STAG2: variants seen among roughly 807,000 people sequenced by gnomAD.
The protein encoded by STAG2 is cohesin subunit SA-2.
Under a neutral mutation model 108.1 loss-of-function variants are expected in STAG2, and 14 were observed. That is an observed-to-expected ratio of 0.13 (90% CI 0.09 to 0.20). The LOEUF (loss-of-function observed/expected upper bound fraction) is 0.20, where lower values mean the gene tolerates loss of function less well. Among genes scored for constraint, STAG2 ranks in the 10% least tolerant of loss-of-function variants. The pLI is 1.00. For synonymous variants in STAG2, 307 were observed against 302.7 expected, an observed-to-expected ratio of 1.01 and a Z score of -0.15; for missense variants, 440 against 940.9, an observed-to-expected ratio of 0.47 and a Z score of 6.96.
At chrX:124,092,081 T>C (rs1352183582) in intron 32 of STAG2, among the ~76,000 whole-genome samples, 2 of 111,845 alleles carry the variant, frequency 1.8e-5, no homozygotes, top group Non-Finnish European at 3.8e-5. Context: ...AGATAGTAGT[T>C]GTTACCCTCT....
rs763447297 is a variant in STAG2 at position 124,066,367 on chromosome X, C to T, written c.2196C>T (p.His732=). Residue 732 remains histidine (H), a synonymous_variant, in exon 23 of 35, where the codon CAC becomes CAT. Coordinates refer to ENST00000371145, the MANE Select transcript of STAG2 (RefSeq NM_001042750.2). ...NGDMPEQIVI[H]ALQCTHYVIL... is the part of the protein sequence containing the mutation. ...GATTCTTTTTACAGATTGTTATTCA[C>T]GCACTGCAGTGTACTCACTATGTAA... 1.5e-5 allele frequency: 18 copies of T among 1,200,783 alleles called. No individual in the cohort carries two copies. The highest frequency in any genetic ancestry group is 3.0e-5 in the East Asian group (1 of 33,667).
At chrX:124,006,844 T>G (rs922816945) in intron 1 of STAG2, among the ~76,000 whole-genome samples, 2 of 111,848 alleles carry the variant, frequency 1.8e-5, no homozygotes, top group Non-Finnish European at 3.8e-5. Flanking sequence ...TTTAAAAGTT[T>G]GTTTGCTAAT....
chrX:123,986,886 G>A (rs1313930271), intron 1 of STAG2, among the ~76,000 whole-genome samples: 2 of 109,849 alleles, frequency 1.8e-5, no homozygotes, highest in Admixed American at 9.7e-5. Context: ...CAGGGCCTGC[G>A]CAGTTTTCTC....
At chrX:124,034,649 A>G (rs7049819) in intron 5 of STAG2, among the ~76,000 whole-genome samples, 18,599 of 110,433 alleles carry the variant, frequency 0.17, 1,238 homozygotes, top group South Asian at 0.37. Context: ...CTTGCATATC[A>G]AATAGGACTG....
chrX:124,006,674 T>C (rs767460005), intron 1 of STAG2, among the ~76,000 whole-genome samples: 35 of 110,842 alleles, frequency 3.2e-4, no homozygotes, highest in African/African-American at 7.5e-4. Context: ...CTCCTGACCT[T>C]GTGATCCGCC....
rs77366098 is a variant in STAG2 at position 124,071,128 on chromosome X, CTT to C, written c.2359-8_2359-7del. On this transcript the variant is annotated intron_variant, in intron 24 of 34. Transcript: ENST00000371145. ...ACCTTGGATTATAGCATGCTTTCCTCTTTTTTTTTTTTTTAAATAGGCCTTCA... is the reference window on the plus strand; with the variant it reads ...ACCTTGGATTATAGCATGCTTTCCTCTTTTTTTTTTTTAAATAGGCCTTCA... 1.1e-3 allele frequency: 947 copies of C among 827,044 alleles called. No individual in the cohort carries two copies. Among genetic ancestry groups the C allele is most frequent in the South Asian group, 2.4e-3 (65 of 26,546 alleles). 68.2% of individuals were successfully genotyped at this position (827,044 alleles called of 1,213,427 possible).
intron 23 of STAG2, among the ~76,000 whole-genome samples, chrX:124,067,404 A>G (rs5958383): frequency 0.24 from 25,814 of 107,366 alleles, 2,401 homozygotes; most frequent in South Asian, 0.39. Context: ...AAGTAGCTGA[A>G]ACTGCAGTCA....
intron 14 of STAG2, among the ~76,000 whole-genome samples, chrX:124,056,549 C>T (rs972101967): frequency 3.7e-5 from 4 of 107,474 alleles, no homozygotes; most frequent in Non-Finnish European, 7.7e-5. Flanking sequence ...CTGGCTAACA[C>T]GGTGAAACCC....
intron 1 of STAG2, among the ~76,000 whole-genome samples, chrX:123,976,094 C>T (rs1194140819): frequency 9.0e-6 from 1 of 111,187 alleles, no homozygotes; most frequent in Admixed American, 9.6e-5. Context: ...GGCAACAGAG[C>T]GAGACCCTGT....
intron 1 of STAG2, among the ~76,000 whole-genome samples, chrX:124,009,744 T>C (rs1365316343): frequency 8.9e-6 from 1 of 111,764 alleles, no homozygotes; most frequent in African/African-American, 3.3e-5. Context: ...TGTTTAACAT[T>C]TGTTAAATAG....
chrX:123,976,461 C>G (rs986923732), intron 1 of STAG2, among the ~76,000 whole-genome samples: 1 of 110,891 alleles, frequency 9.0e-6, no homozygotes, highest in African/African-American at 3.3e-5. Context: ...ATTTTGAATC[C>G]TTGTTTCATT....
At chrX:123,965,573 A>G (rs937917799) in intron 1 of STAG2, among the ~76,000 whole-genome samples, 3 of 111,854 alleles carry the variant, frequency 2.7e-5, no homozygotes, top group African/African-American at 6.5e-5. Context: ...GTGCATGTTT[A>G]ACTGATACCA....
chrX:124,092,079 GT>G (rs769736226), intron 32 of STAG2, among the ~76,000 whole-genome samples: 1 of 111,685 alleles, frequency 9.0e-6, no homozygotes, highest in East Asian at 2.8e-4. Context: ...GGAGATAGTA[GT>G]TGTTACCCTC....
intron 1 of STAG2, among the ~76,000 whole-genome samples, chrX:123,964,705 G>A (rs781533647): frequency 1.0e-5 from 1 of 97,898 alleles, no homozygotes; most frequent in Non-Finnish European, 2.0e-5. Flanking sequence ...GACTGGCAGA[G>A]AGGGTGGAGT....
At position 124,052,855 on chromosome X, in the gene STAG2, C is replaced by T. The variant is rs747697937; in HGVS notation, c.1196+1461C>T. On this transcript the variant is annotated intron_variant, in intron 13 of 34. Coordinates refer to ENST00000371145, the MANE Select transcript of STAG2 (RefSeq NM_001042750.2). ...TTCCTGAGATGGAGTCTCACTCTGT[C>T]GCCCAGGCTGGAGTGCAGTGGCATG... Among the ~76,000 whole-genome samples, 12 of 105,585 alleles carry T rather than the reference C, an allele frequency of 1.1e-4. No individual in the cohort carries two copies. In the South Asian group the frequency reaches 1.7e-3, roughly 15 times the overall value. The allele number at this position is 105,585 out of a possible 115,157, so 91.7% of individuals were successfully genotyped here. A position where few individuals can be genotyped will look rare whatever the true frequency, so the allele number is the denominator to read the frequency against.
At chrX:123,966,994 C>T (rs1230423356) in intron 1 of STAG2, among the ~76,000 whole-genome samples, 8 of 110,160 alleles carry the variant, frequency 7.3e-5, no homozygotes, top group Non-Finnish European at 1.3e-4. Context: ...AAGTGATTCT[C>T]CTGCCTCAAC....
intron 13 of STAG2, among the ~76,000 whole-genome samples, chrX:124,054,517 G>C (rs1022043166): frequency 1.8e-5 from 2 of 111,572 alleles, no homozygotes; most frequent in Non-Finnish European, 3.8e-5. Context: ...AATTTTGAAA[G>C]AATTCTGAAA....
chrX:124,041,403 A>G (rs768750553), intron 6 of STAG2, among the ~76,000 whole-genome samples: 1 of 109,988 alleles, frequency 9.1e-6, no homozygotes, highest in East Asian at 2.8e-4. Flanking sequence ...TTATGGATTT[A>G]CAGCTATGTA....
intron 1 of STAG2, among the ~76,000 whole-genome samples, chrX:123,977,214 T>C (rs1191165154): frequency 4.4e-5 from 5 of 112,415 alleles, no homozygotes; most frequent in African/African-American, 1.6e-4. Context: ...TGTACTGTTT[T>C]AATCTTGAGT....
Sources: gnomAD v4.1 joint callset for allele counts (sites outside exome capture counted in the v4.1 genomes callset) on GRCh38, gnomAD v4.1.1 for gene constraint, MANE v1.5 for transcripts, NCBI Gene and HGNC (gene_info 2026-07-23, HGNC 2026-07-21) for gene names.